Variants in PSD3 observed in about 807,000 individuals in gnomAD.
The protein encoded by PSD3 is pleckstrin and Sec7 domain containing 3.
In PSD3, 49 loss-of-function variants were observed where a neutral mutation model predicts 105.5. That is an observed-to-expected ratio of 0.46 (90% CI 0.37 to 0.59). The LOEUF is 0.59. PSD3 is among the 20% of genes least tolerant of loss of function. PSD3 has a pLI of 0.00. For missense variants in PSD3, 1,561 were observed against 1,263.8 expected (o/e 1.24, Z -3.57); for synonymous variants, 557 against 457.8 (o/e 1.22, Z -2.77).
intron 14 of PSD3, among the ~76,000 whole-genome samples, chr8:18,568,626 C>T (rs376530370): frequency 1.3e-5 from 2 of 152,248 alleles, no homozygotes; most frequent in East Asian, 3.9e-4. Flanking sequence ...TCTTCTGCAG[C>T]TACCTTGGTT....
intron 8 of PSD3, among the ~76,000 whole-genome samples, chr8:18,768,754 G>A (rs572127050): frequency 5.9e-5 from 9 of 151,930 alleles, no homozygotes; most frequent in Admixed American, 1.3e-4. Context: ...AAAACAATTC[G>A]TCCCATTCAA....
intron 8 of PSD3, among the ~76,000 whole-genome samples, chr8:18,785,802 A>C (rs531279141): frequency 1.3e-5 from 2 of 152,154 alleles, no homozygotes; most frequent in Non-Finnish European, 2.9e-5. Context: ...CCTAATTTCA[A>C]TACTGTTGTG....
chr8:18,766,340 C>T (rs1806998368), intron 8 of PSD3, among the ~76,000 whole-genome samples: 1 of 152,028 alleles, frequency 6.6e-6, no homozygotes. Context: ...TCTCAAAAAA[C>T]AAAAACAAAG....
intron 9 of PSD3, among the ~76,000 whole-genome samples, chr8:18,708,598 G>A (rs569323063): frequency 3.3e-5 from 5 of 151,974 alleles, no homozygotes; most frequent in South Asian, 4.2e-4. Context: ...CAACATTTTC[G>A]TCATGACCCA....
At chr8:18,879,902 C>T (rs977918359) in intron 2 of PSD3, among the ~76,000 whole-genome samples, 1 of 152,130 alleles carries the variant, frequency 6.6e-6, no homozygotes, top group African/African-American at 2.4e-5. Flanking sequence ...TTAGCCAAGA[C>T]CATCATTGCT....
chr8:18,777,083 C>T (rs73199991), intron 8 of PSD3, among the ~76,000 whole-genome samples: 2,937 of 152,128 alleles, frequency 0.019, 41 homozygotes, highest in Non-Finnish European at 0.031. Flanking sequence ...ACCTCTATTG[C>T]CCAGACTGGA....
intron 11 of PSD3, among the ~76,000 whole-genome samples, chr8:18,622,152 GAT>G (rs1563389646): frequency 1.1e-4 from 17 of 152,242 alleles, no homozygotes; most frequent in African/African-American, 3.4e-4. Context: ...CTTAAAAAGC[GAT>G]GAATATTTTA....
intron 1 of PSD3, among the ~76,000 whole-genome samples, chr8:19,072,449 A>G (rs1011306033): frequency 1.3e-5 from 2 of 152,156 alleles, no homozygotes; most frequent in Non-Finnish European, 2.9e-5. Context: ...CTTGTTCTGA[A>G]CTGCAGTGGA....
chr8:18,920,502 C>T (rs1201298314), intron 2 of PSD3, among the ~76,000 whole-genome samples: 1 of 152,162 alleles, frequency 6.6e-6, no homozygotes, highest in Non-Finnish European at 1.5e-5. Flanking sequence ...GGATGTGATA[C>T]TTTGAAATAG....
intron 14 of PSD3, among the ~76,000 whole-genome samples, chr8:18,565,123 A>C (rs1416023771): frequency 1.3e-5 from 2 of 152,036 alleles, no homozygotes; most frequent in East Asian, 3.9e-4. Context: ...AGAAACACAC[A>C]TGTGTCCCTG....
intron 4 of PSD3, among the ~76,000 whole-genome samples, chr8:18,843,333 A>T (rs1380486816): frequency 6.3e-5 from 3 of 47,354 alleles, no homozygotes; most frequent in Admixed American, 2.9e-4. Flanking sequence ...ACTCCGTCTC[A>T]AAAAAAAAAA....
At chr8:19,082,927 C>T (rs546482051) in intron 1 of PSD3, among the ~76,000 whole-genome samples, 1 of 152,294 alleles carries the variant, frequency 6.6e-6, no homozygotes, top group South Asian at 2.1e-4. Flanking sequence ...GAGCTTTCTC[C>T]CCGTTTCTTA....
At chr8:18,581,807 C>T (rs186392716) in intron 12 of PSD3, among the ~76,000 whole-genome samples, 5 of 152,234 alleles carry the variant, frequency 3.3e-5, no homozygotes, top group Admixed American at 6.5e-5. Context: ...CACATAGCTC[C>T]CAACATGACA....
At chr8:18,622,319 CA>C (rs1043268979) in intron 11 of PSD3, among the ~76,000 whole-genome samples, 3 of 152,050 alleles carry the variant, frequency 2.0e-5, no homozygotes, top group African/African-American at 7.2e-5. Flanking sequence ...TCCCATTTTA[CA>C]AAAAAACCTT....
intron 2 of PSD3, among the ~76,000 whole-genome samples, chr8:18,925,596 G>A (rs1347689102): frequency 6.6e-6 from 1 of 152,078 alleles, no homozygotes; most frequent in Non-Finnish European, 1.5e-5. Context: ...AGCGGATGAT[G>A]ACATTAATTA....
At chr8:18,827,431 G>C (rs1486031119) in intron 4 of PSD3, among the ~76,000 whole-genome samples, 6 of 152,212 alleles carry the variant, frequency 3.9e-5, no homozygotes, top group Admixed American at 6.5e-5. Context: ...AGATGGGGCA[G>C]TCAGAGAGGG....
At chr8:18,924,510 T>C (rs1194480989) in intron 2 of PSD3, 4 of 152,090 alleles carry the variant, frequency 2.6e-5, no homozygotes, top group Non-Finnish European at 5.9e-5. Flanking sequence ...AACAAGAAAA[T>C]AAATCAACAG....
intron 12 of PSD3, among the ~76,000 whole-genome samples, chr8:18,580,889 C>T (rs1169497244): frequency 1.3e-5 from 2 of 152,150 alleles, no homozygotes; most frequent in Non-Finnish European, 2.9e-5. Flanking sequence ...CACTAACGAG[C>T]CACCTACACC....
At chr8:19,033,816 T>C (rs892095409) in intron 1 of PSD3, among the ~76,000 whole-genome samples, 2 of 152,162 alleles carry the variant, frequency 1.3e-5, no homozygotes, top group African/African-American at 4.8e-5. Context: ...TAGTGGTTTC[T>C]GTACAAACGT....
Sources: gnomAD v4.1 joint callset for allele counts (sites outside exome capture counted in the v4.1 genomes callset) on GRCh38, gnomAD v4.1.1 for gene constraint, MANE v1.5 for transcripts, NCBI Gene and HGNC (gene_info 2026-07-23, HGNC 2026-07-21) for gene names.